The following MIR2052HG variants were observed in gnomAD, a reference collection of about 807,000 sequenced individuals.
MIR2052HG encodes the protein MIR2052 host gene.
intron 4 of MIR2052HG, among the ~76,000 whole-genome samples, chr8:74,706,919 G>A (rs188448577): frequency 8.5e-5 from 13 of 152,144 alleles, no homozygotes; most frequent in Non-Finnish European, 1.8e-4. Context: ...GGATGCACAC[G>A]GGTGAGGCGT....
chr8:74,647,370 A>C (rs1431617250), intron 2 of MIR2052HG, among the ~76,000 whole-genome samples: 1 of 152,164 alleles, frequency 6.6e-6, no homozygotes, highest in South Asian at 2.1e-4. Context: ...CTCTTCTTAC[A>C]AGGTGGTTTG....
rs1042589403 is a variant in MIR2052HG at position 74,639,364 on chromosome 8, T to C, written n.216+26424T>C. 2.6e-5 allele frequency among the ~76,000 whole-genome samples: 4 copies of C among 152,350 alleles called. No homozygotes were observed. In the East Asian group the frequency reaches 5.8e-4, roughly 22 times the overall value. ...ATGTTCATCTGTCATTTTATACACC[T>C]TATATGATCTTTGTAACAGGCTACC... is the stretch of plus-strand genomic sequence containing the variant. On this transcript the variant is annotated intron_variant and non_coding_transcript_variant, in intron 2 of 6. Coordinates refer to ENST00000523442, the Ensembl canonical transcript of MIR2052HG.
At chr8:74,740,640 A>T (rs1237514590) in intron 4 of MIR2052HG, among the ~76,000 whole-genome samples, 1 of 152,214 alleles carries the variant, frequency 6.6e-6, no homozygotes, top group Non-Finnish European at 1.5e-5. Context: ...ACCTAAATAA[A>T]ATACAGTTAT....
chr8:74,726,713 G>A (rs1374184480), intron 4 of MIR2052HG, among the ~76,000 whole-genome samples: 1 of 152,190 alleles, frequency 6.6e-6, no homozygotes, highest in Non-Finnish European at 1.5e-5. Flanking sequence ...GACAGGATAT[G>A]TGGGCGTTAT....
intron 5 of MIR2052HG, among the ~76,000 whole-genome samples, chr8:74,753,022 T>C (rs1393770279): frequency 6.6e-6 from 1 of 152,206 alleles, no homozygotes; most frequent in Non-Finnish European, 1.5e-5. Flanking sequence ...GGGAAATGTG[T>C]TTCCAGCTAT....
In MIR2052HG at chr8:74,740,058, G is replaced by A. The variant is rs569622549; in HGVS notation, n.372-12383G>A. ...TAGTATCATTCTGAATTACATTTCTGGGAAATTACAAGGAAATTTAATGTG... is the reference window on the plus strand; with the variant it reads ...TAGTATCATTCTGAATTACATTTCTAGGAAATTACAAGGAAATTTAATGTG... On this transcript the variant is annotated intron_variant and non_coding_transcript_variant, in intron 4 of 6. Coordinates refer to ENST00000523442, the Ensembl canonical transcript of MIR2052HG. 8.5e-5 allele frequency among the ~76,000 whole-genome samples: 13 copies of A among 152,168 alleles called. No homozygotes were observed. In the East Asian group the frequency reaches 2.5e-3, roughly 29 times the overall value.
chr8:74,699,164 T>A (rs1368070605), intron 2 of MIR2052HG, among the ~76,000 whole-genome samples: 2 of 152,138 alleles, frequency 1.3e-5, no homozygotes, highest in Non-Finnish European at 2.9e-5. Context: ...TTGGTGGGAA[T>A]GTAAACTAGT....
At chr8:74,665,895 A>C (rs1427647421) in intron 2 of MIR2052HG, among the ~76,000 whole-genome samples, 1 of 152,106 alleles carries the variant, frequency 6.6e-6, no homozygotes, top group Non-Finnish European at 1.5e-5. Context: ...GTTCCCCTGC[A>C]CATGCTCTCT....
At chr8:74,698,771 G>C (rs1034075566) in intron 2 of MIR2052HG, among the ~76,000 whole-genome samples, 2 of 152,168 alleles carry the variant, frequency 1.3e-5, no homozygotes, top group Non-Finnish European at 2.9e-5. Context: ...ACACACACCA[G>C]TGCCTCTTAG....
chr8:74,642,356 C>T (rs1327965994), intron 2 of MIR2052HG, among the ~76,000 whole-genome samples: 1 of 151,900 alleles, frequency 6.6e-6, no homozygotes, highest in African/African-American at 2.4e-5. Context: ...GTGTAATTAA[C>T]CTATTGGGAC....
At chr8:74,634,831 T>A (rs1808561557) in intron 2 of MIR2052HG, among the ~76,000 whole-genome samples, 1 of 152,188 alleles carries the variant, frequency 6.6e-6, no homozygotes, top group Non-Finnish European at 1.5e-5. Flanking sequence ...TTTATGCTAG[T>A]CATGCTAGAT....
chr8:74,684,579 C>T (rs1407767533), intron 2 of MIR2052HG, among the ~76,000 whole-genome samples: 2 of 151,960 alleles, frequency 1.3e-5, no homozygotes, highest in Non-Finnish European at 2.9e-5. Flanking sequence ...ACCAAAAAGT[C>T]CCCCTGAATA....
rs988822658 is a variant in MIR2052HG at position 74,678,630 on chromosome 8, A to G, written n.217-23749A>G. On this transcript the variant is annotated intron_variant and non_coding_transcript_variant, in intron 2 of 6. Transcript: ENST00000523442. Reference sequence around the variant, plus strand: ...ATTCCCAAGTCATTTAATAAGGTCTATATAACCTTGATTCTAAAGGTAAAG... The same window carrying G: ...ATTCCCAAGTCATTTAATAAGGTCTGTATAACCTTGATTCTAAAGGTAAAG... 3.3e-5 allele frequency among the ~76,000 whole-genome samples: 5 copies of G among 151,258 alleles called. No homozygotes were observed. The East Asian group carries it at 5.8e-4, about 18-fold the overall frequency.
At chr8:74,600,183 T>G (rs537979483) in intron 1 of MIR2052HG, among the ~76,000 whole-genome samples, 2 of 152,258 alleles carry the variant, frequency 1.3e-5, no homozygotes, top group African/African-American at 2.4e-5. Flanking sequence ...GAAATCACCC[T>G]TCTTCTGCGT....
chr8:74,653,061 T>C (rs879693427), intron 2 of MIR2052HG, among the ~76,000 whole-genome samples: 6 of 152,204 alleles, frequency 3.9e-5, no homozygotes, highest in African/African-American at 4.8e-5. Flanking sequence ...AACTTTTTTT[T>C]CCCCCTTTTC....
intron 2 of MIR2052HG, among the ~76,000 whole-genome samples, chr8:74,620,605 C>T (rs1158349586): frequency 6.6e-6 from 1 of 152,266 alleles, no homozygotes; most frequent in Non-Finnish European, 1.5e-5. Context: ...GAAGCAATGG[C>T]CTGAGCTGTA....
chr8:74,600,664 C>T (rs1344845852), intron 1 of MIR2052HG, among the ~76,000 whole-genome samples: 1 of 151,994 alleles, frequency 6.6e-6, no homozygotes, highest in Non-Finnish European at 1.5e-5. Context: ...CAACCTCTGC[C>T]TCCCGGGTTC....
chr8:74,680,433 AT>A (rs1809110330), intron 2 of MIR2052HG, among the ~76,000 whole-genome samples: 1 of 152,140 alleles, frequency 6.6e-6, no homozygotes, highest in African/African-American at 2.4e-5. Flanking sequence ...AAAAGAAGAC[AT>A]TTATGCAGCC....
intron 1 of MIR2052HG, among the ~76,000 whole-genome samples, chr8:74,602,855 T>TTCTG: frequency 6.9e-6 from 1 of 144,934 alleles, no homozygotes; most frequent in East Asian, 2.0e-4. Context: ...CTTTCTTTCT[T>TTCTG]TCTTTCTTTC....
Sources: allele counts gnomAD v4.1 joint callset (sites outside exome capture counted in the v4.1 genomes callset), GRCh38; gene constraint gnomAD v4.1.1; transcripts MANE v1.5; gene names NCBI Gene and HGNC (gene_info 2026-07-23, HGNC 2026-07-21).